Variants in SEMA5A observed in about 807,000 individuals in gnomAD.
The protein encoded by SEMA5A is semaphorin 5A.
SEMA5A carries 55 observed loss-of-function variants against 135.5 expected under a neutral mutation model. The ratio of observed to expected loss-of-function variants is 0.41; its 90% CI spans 0.33 to 0.51. The LOEUF (loss-of-function observed/expected upper bound fraction) is 0.51. Ranked by LOEUF, SEMA5A falls within the 20% of genes least tolerant of loss-of-function variation. SEMA5A has a pLI of 0.37. For missense variants in SEMA5A, 1,290 were observed against 1,419.9 expected, an observed-to-expected ratio of 0.91 and a Z score of 1.47; for synonymous variants, 580 against 546.5, an observed-to-expected ratio of 1.06 and a Z score of -0.85.
rs183341530 is a variant in SEMA5A at position 9,412,067 on chromosome 5, A to C, written c.-78+25689T>G. ...ACCTATAGGAGGATAAACTAAGGCT[A>C]GTTAAGGGTAAATGATATTGTGACT... On this transcript the variant is annotated intron_variant, in intron 2 of 22. Coordinates refer to ENST00000382496, the MANE Select transcript of SEMA5A (RefSeq NM_003966.3). Among the ~76,000 whole-genome samples the C allele has an allele frequency of 1.8e-3, 278 of 152,322 alleles. 2 individuals are homozygous for C. The highest frequency in any genetic ancestry group is 3.2e-3 in the Non-Finnish European group (215 of 68,034).
intron 1 of SEMA5A, among the ~76,000 whole-genome samples, chr5:9,481,715 CA>C (rs1301949533): frequency 6.6e-6 from 1 of 152,080 alleles, no homozygotes; most frequent in African/African-American, 2.4e-5. Context: ...CTAATAATTA[CA>C]GGTGGCGGCA....
chr5:9,168,030 A>G (rs536991532), intron 11 of SEMA5A, among the ~76,000 whole-genome samples: 1 of 152,210 alleles, frequency 6.6e-6, no homozygotes, highest in Non-Finnish European at 1.5e-5. Context: ...TGTCCAGAGC[A>G]CACAGGTCAC....
intron 16 of SEMA5A, among the ~76,000 whole-genome samples, chr5:9,089,510 A>C (rs993975261): frequency 6.6e-6 from 1 of 152,014 alleles, no homozygotes; most frequent in Non-Finnish European, 1.5e-5. Flanking sequence ...ATCGCAGTAC[A>C]TTTGATGACC....
At chr5:9,505,083 T>A (rs1368188885) in intron 1 of SEMA5A, among the ~76,000 whole-genome samples, 1 of 152,158 alleles carries the variant, frequency 6.6e-6, no homozygotes, top group Non-Finnish European at 1.5e-5. Flanking sequence ...AGAATTGAAA[T>A]TCTAATTTAG....
intron 2 of SEMA5A, among the ~76,000 whole-genome samples, chr5:9,391,391 T>C (rs978952766): frequency 2.0e-5 from 3 of 150,820 alleles, no homozygotes; most frequent in African/African-American, 7.3e-5. Context: ...TAAGTGTACA[T>C]ATCACCTTCA....
intron 11 of SEMA5A, among the ~76,000 whole-genome samples, chr5:9,187,801 A>C (rs111549130): frequency 3.0e-4 from 46 of 152,336 alleles, no homozygotes; most frequent in African/African-American, 1.0e-3. Flanking sequence ...TCAATATCGG[A>C]ATCAGATCTG....
intron 21 of SEMA5A, among the ~76,000 whole-genome samples, chr5:9,044,786 A>C (rs1305780700): frequency 6.6e-6 from 1 of 151,946 alleles, no homozygotes; most frequent in African/African-American, 2.4e-5. Flanking sequence ...CAGGATTATT[A>C]TTATTATTAT....
intron 5 of SEMA5A, among the ~76,000 whole-genome samples, chr5:9,242,206 G>A (rs1748239218): frequency 1.3e-5 from 2 of 152,222 alleles, no homozygotes; most frequent in South Asian, 2.1e-4. Flanking sequence ...AAACAACTGT[G>A]ATTTGACTTG....
chr5:9,424,275 C>A (rs963413974), intron 2 of SEMA5A, among the ~76,000 whole-genome samples: 1 of 152,154 alleles, frequency 6.6e-6, no homozygotes, highest in Non-Finnish European at 1.5e-5. Flanking sequence ...TTTGACGATA[C>A]AACAGTGGAG....
At chr5:9,506,080 T>C (rs1317899833) in intron 1 of SEMA5A, among the ~76,000 whole-genome samples, 4 of 152,326 alleles carry the variant, frequency 2.6e-5, no homozygotes, top group Admixed American at 6.5e-5. Context: ...ACATTATTGA[T>C]AAAAGAATAG....
chr5:9,162,518 G>A (rs369923055), intron 11 of SEMA5A, among the ~76,000 whole-genome samples: 2 of 63,578 alleles, frequency 3.1e-5, no homozygotes, highest in Non-Finnish European at 8.1e-5. Flanking sequence ...GAATATATGT[G>A]TATATGTGTA....
At chr5:9,059,742 T>A (rs933125254) in intron 18 of SEMA5A, among the ~76,000 whole-genome samples, 7 of 151,950 alleles carry the variant, frequency 4.6e-5, no homozygotes, top group Admixed American at 1.3e-4. Context: ...TAGGAATAAG[T>A]TTTTACCATG....
intron 1 of SEMA5A, among the ~76,000 whole-genome samples, chr5:9,469,976 C>T (rs1759416508): frequency 6.6e-6 from 1 of 152,162 alleles, no homozygotes; most frequent in African/African-American, 2.4e-5. Context: ...AAAATCCAAT[C>T]TTCATTTGTG....
At position 9,090,226 on chromosome 5, in the gene SEMA5A, C is replaced by A. The variant is rs79728778; in HGVS notation, c.2073+17914G>T. Among the ~76,000 whole-genome samples, 603 of 152,248 alleles carry A rather than the reference C, an allele frequency of 4.0e-3. 3 individuals carry two copies. The highest frequency in any genetic ancestry group is 0.014 in the African/African-American group (581 of 41,538). ...CAGGGTAAACCTGTTCTACTTCACA[C>A]AAAGGCACTTTCAGGATAGCAATGC... is the stretch of plus-strand genomic sequence containing the variant. On this transcript the variant is annotated intron_variant, in intron 16 of 22. Coordinates refer to ENST00000382496, the MANE Select transcript of SEMA5A (RefSeq NM_003966.3).
chr5:9,154,092 T>TGC (rs1742808316), intron 12 of SEMA5A, among the ~76,000 whole-genome samples: 1 of 102,204 alleles, frequency 9.8e-6, no homozygotes, highest in African/African-American at 3.6e-5. Context: ...TATATATATA[T>TGC]ATGTGTGTGT....
At chr5:9,152,215 G>A (rs1195909932) in intron 12 of SEMA5A, among the ~76,000 whole-genome samples, 2 of 152,198 alleles carry the variant, frequency 1.3e-5, no homozygotes, top group African/African-American at 4.8e-5. Context: ...GCGGCTTCCT[G>A]TGGGTTATCC....
intron 8 of SEMA5A, 40 bp from the exon 9 acceptor site, chr5:9,202,280 A>G (rs781720445): frequency 3.1e-6 from 5 of 1,594,510 alleles, no homozygotes; most frequent in Admixed American, 3.4e-5. Flanking sequence ...CTCAACATTC[A>G]TGTCATTCCC....
chr5:9,047,872 A>G (rs1202587100), intron 21 of SEMA5A, among the ~76,000 whole-genome samples: 1 of 152,102 alleles, frequency 6.6e-6, no homozygotes, highest in Non-Finnish European at 1.5e-5. Context: ...GACACACAGG[A>G]GTAGTATTTT....
intron 8 of SEMA5A, among the ~76,000 whole-genome samples, chr5:9,220,169 A>C (rs1746853251): frequency 6.6e-6 from 1 of 152,208 alleles, no homozygotes; most frequent in South Asian, 2.1e-4. Flanking sequence ...ATGCAAAGGC[A>C]TAAGAATGAT....
Sources: allele counts gnomAD v4.1 joint callset (sites outside exome capture counted in the v4.1 genomes callset), GRCh38; gene constraint gnomAD v4.1.1; transcripts MANE v1.5; gene names NCBI Gene and HGNC (gene_info 2026-07-23, HGNC 2026-07-21).